LMX1B: variants seen among roughly 807,000 people sequenced by gnomAD.
LMX1B encodes LIM homeobox transcription factor 1-beta.
In LMX1B, 12 loss-of-function variants were observed where a neutral mutation model predicts 51.4. That is an observed-to-expected ratio of 0.23 (90% CI 0.15 to 0.38). The LOEUF (loss-of-function observed/expected upper bound fraction) is 0.38. LMX1B is among the 10% of genes least tolerant of loss of function. LMX1B has a pLI of 1.00. For synonymous variants in LMX1B, 237 were observed against 235.4 expected (o/e 1.01, Z -0.06); for missense variants, 445 against 571.1 (o/e 0.78, Z 2.25).
chr9:126,652,305 G>C (rs944505399), intron 2 of LMX1B, among the ~76,000 whole-genome samples: 3 of 148,108 alleles, frequency 2.0e-5, no homozygotes, highest in Non-Finnish European at 4.5e-5. Flanking sequence ...AAGGGGGGGG[G>C]GATTTTCTCT....
At position 126,695,120 on chromosome 9, in the gene LMX1B, C is replaced by T. The variant is rs955262905; in HGVS notation, c.887-719C>T. Among the ~76,000 whole-genome samples the T allele has an allele frequency of 2.6e-5, 4 of 152,182 alleles. No homozygotes were observed. The highest frequency in any genetic ancestry group is 5.9e-5 in the Non-Finnish European group (4 of 68,010). On this transcript the variant is annotated intron_variant, in intron 6 of 7. Transcript: ENST00000373474. The surrounding 1 kb of genome is among the most constrained non-coding windows in gnomAD (Gnocchi z 5.2). ...ACCCTCCTAGGAGCTGTCTCTCCCA[C>T]AGCCACCTTGACAGAGACCCCACCC...
At position 126,626,599 on chromosome 9, in the gene LMX1B, G is replaced by T. The variant is rs981196950; in HGVS notation, c.326+11030G>T. Among the ~76,000 whole-genome samples the T allele has an allele frequency of 1.3e-5, 2 of 152,158 alleles. No homozygotes were observed. The highest frequency in any genetic ancestry group is 4.8e-5 in the African/African-American group (2 of 41,430). On this transcript the variant is annotated intron_variant, in intron 2 of 7. Coordinates refer to ENST00000373474, the MANE Select transcript of LMX1B (RefSeq NM_001174147.2). The surrounding 1 kb of genome is among the most constrained non-coding windows in gnomAD (Gnocchi z 4.3). ...AGTCGGCAACCGGCCCTTCCTTCCA[G>T]GTCAGGGGTGGGGGAGAGACTTTCT...
intron 2 of LMX1B, among the ~76,000 whole-genome samples, chr9:126,635,963 G>A (rs1439654400): frequency 6.6e-6 from 1 of 152,186 alleles, no homozygotes; most frequent in Admixed American, 6.5e-5. Flanking sequence ...CCATGGCCCA[G>A]GGAGGAGCAC....
Position 126,693,817 on chromosome 9 carries a change from G to A in LMX1B, c.886+5G>A. ...ACTCCCAGCGGCTGGGCCAGGGTGA[G>A]CCGGGGCCGGGGCAGGGCCTGGGCC... On this transcript the variant is annotated splice_donor_5th_base_variant and intron_variant, in intron 6 of 7. Coordinates refer to ENST00000373474, the MANE Select transcript of LMX1B (RefSeq NM_001174147.2). The A allele has an allele frequency of 8.0e-7, 1 of 1,250,870 alleles. No individual in the cohort carries two copies. Among genetic ancestry groups the A allele is most frequent in the East Asian group, 2.5e-5 (1 of 39,682 alleles). The allele number at this position is 1,250,870 out of a possible 1,614,324, so 77.5% of individuals were successfully genotyped here.
chr9:126,625,174 G>A lies in LMX1B; in HGVS notation c.326+9605G>A, dbSNP rs1405717329. Among the ~76,000 whole-genome samples the A allele has an allele frequency of 6.6e-6, 1 of 152,252 alleles. No individual in the cohort carries two copies. Among genetic ancestry groups the A allele is most frequent in the Non-Finnish European group, 1.5e-5 (1 of 68,046 alleles). On this transcript the variant is annotated intron_variant, in intron 2 of 7. Coordinates refer to ENST00000373474, the MANE Select transcript of LMX1B (RefSeq NM_001174147.2). The surrounding 1 kb of genome is among the most constrained non-coding windows in gnomAD (Gnocchi z 5.3). ...ACCGTGTCCCCTCCACCCCTTCCGA[G>A]GACGGCGGGAAGAGGGGGCTCCGGC...
At chr9:126,617,066 T>C (rs1248035986) in intron 2 of LMX1B, among the ~76,000 whole-genome samples, 2 of 152,234 alleles carry the variant, frequency 1.3e-5, no homozygotes, top group East Asian at 1.9e-4. Flanking sequence ...TCTGAACTAA[T>C]ATGATTCTAG....
intron 2 of LMX1B, among the ~76,000 whole-genome samples, chr9:126,628,484 C>T (rs1325594613): frequency 6.6e-6 from 1 of 152,184 alleles, no homozygotes; most frequent in Non-Finnish European, 1.5e-5. Flanking sequence ...GAGAGGCCGC[C>T]AGCAACAGCC....
At chr9:126,651,417 G>A (rs76239546) in intron 2 of LMX1B, among the ~76,000 whole-genome samples, 18,733 of 151,750 alleles carry the variant, frequency 0.12, 1,466 homozygotes, top group Middle Eastern at 0.25. Context: ...GGCACAGGGG[G>A]CGGGGGTCAG....
rs1224596412 is a variant in LMX1B, at chr9:126,695,865, A to G, written c.913A>G (p.Met305Val). The G allele has an allele frequency of 6.2e-6, 10 of 1,613,318 alleles. No homozygotes were observed. The South Asian group carries it at 8.8e-5, about 14-fold the overall frequency. Reference protein sequence around the residue: ...QEVLSSRMEGMMASYTPLAPP... With the variant: ...QEVLSSRMEGVMASYTPLAPP... The stretch of plus-strand genomic sequence containing the variant: ...GGTCCTGTCCAGCCGCATGGAGGGC[A>G]TGATGGCTTCCTACACGCCGCTGGC... Residue 305 changes from methionine to valine, a missense_variant, in exon 7 of 8, where the codon ATG becomes GTG. Met to Val is a conservative substitution (Grantham distance 21). Transcript: ENST00000373474. The surrounding 1 kb of genome is among the most constrained non-coding windows in gnomAD (Gnocchi z 5.2).
chr9:126,652,605 G>A (rs372067608), intron 2 of LMX1B, among the ~76,000 whole-genome samples: 2 of 152,258 alleles, frequency 1.3e-5, no homozygotes, highest in African/African-American at 4.8e-5. Flanking sequence ...CCACCTGTGC[G>A]TGACTGTGTG....
At chr9:126,646,528 A>G (rs1269686933) in intron 2 of LMX1B, among the ~76,000 whole-genome samples, 1 of 152,188 alleles carries the variant, frequency 6.6e-6, no homozygotes, top group African/African-American at 2.4e-5. Context: ...TACAGGCATC[A>G]CCTGCCCTCG....
intron 2 of LMX1B, among the ~76,000 whole-genome samples, chr9:126,650,699 C>T (rs371363243): frequency 2.0e-5 from 3 of 152,148 alleles, no homozygotes; most frequent in African/African-American, 4.8e-5. Flanking sequence ...CCAGTGTGGC[C>T]GGGGCAGGCA....
In LMX1B at chr9:126,693,244, G is replaced by A. The variant is rs1329660584; in HGVS notation, c.662G>A (p.Arg221Gln). The part of the protein sequence containing the change: ...DDGKDPRRPK[R>Q]PRTILTTQQR... The stretch of plus-strand genomic sequence containing the variant: ...GGGAAGGACCCGCGGAGGCCCAAGC[G>A]ACCCCGGACCATCCTCACCACGCAG... The change falls in exon 4 of 8, where the codon CGA becomes CAA. Residue 221 changes from arginine (R) to glutamine (Q), a missense_variant. Physicochemically the swap from Arg to Gln is conservative, Grantham distance 43. Around this residue, in one of 3 missense-constraint regions of LMX1B, gnomAD observed 273 missense variants for 343.3 expected, o/e 0.80. Transcript: ENST00000373474. 3.7e-6 allele frequency: 6 copies of A among 1,611,410 alleles called. No homozygotes were observed. Among genetic ancestry groups the A allele is most frequent in the Non-Finnish European group, 3.4e-6 (4 of 1,179,180 alleles).
chr9:126,679,046 C>T (rs546275825), intron 2 of LMX1B, among the ~76,000 whole-genome samples: 1 of 152,114 alleles, frequency 6.6e-6, no homozygotes, highest in African/African-American at 2.4e-5. Context: ...CTAGTGGTAC[C>T]CTGGAGATCT....
chr9:126,615,310 GCC>G lies in LMX1B; in HGVS notation c.140-71_140-70del. The G allele has an allele frequency of 7.9e-7, 1 of 1,262,364 alleles. No homozygotes were observed. The highest frequency in any genetic ancestry group is 1.0e-6 in the Non-Finnish European group (1 of 970,682). The allele number at this position is 1,262,364 out of a possible 1,614,324, so 78.2% of individuals were successfully genotyped here. A position where few individuals can be genotyped will look rare whatever the true frequency, so the allele number is the denominator to read the frequency against. On this transcript the variant is annotated intron_variant, in intron 1 of 7. Transcript: ENST00000373474. The surrounding 1 kb of genome is among the most constrained non-coding windows in gnomAD (Gnocchi z 6.0). The stretch of plus-strand genomic sequence containing the variant: ...GAGCCCTCGGGGCCGAGGGCTGTGG[GCC>G]CGGTGCGACCGGGACGCCGGGGCTG...
At chr9:126,694,826 C>T (rs565891734) in intron 6 of LMX1B, among the ~76,000 whole-genome samples, 2 of 152,298 alleles carry the variant, frequency 1.3e-5, no homozygotes, top group South Asian at 4.1e-4. Flanking sequence ...GGCTATGTCT[C>T]ACCCCTCAGT....
At position 126,693,278 on chromosome 9, in the gene LMX1B, A is replaced by G. The variant is rs768361733; in HGVS notation, c.696A>G (p.Arg232=). The G allele has an allele frequency of 1.2e-6, 2 of 1,611,268 alleles. No homozygotes were observed. The highest frequency in any genetic ancestry group is 1.8e-4 in the Middle Eastern group (1 of 5,474). Residue 232 remains arginine, a synonymous_variant, in exon 4 of 8, where the codon AGA becomes AGG. Coordinates refer to ENST00000373474, the MANE Select transcript of LMX1B (RefSeq NM_001174147.2). ...PRTILTTQQR[R]AFKASFEVSS... is the part of the protein sequence containing the mutation. ...CCATCCTCACCACGCAGCAGCGAAG[A>G]GCCTTCAAGGCCTCCTTCGAGGTCT...
intron 2 of LMX1B, among the ~76,000 whole-genome samples, chr9:126,669,351 C>T (rs1836407354): frequency 6.6e-6 from 1 of 152,178 alleles, no homozygotes; most frequent in Admixed American, 6.5e-5. Context: ...CTGGCCTCGC[C>T]ACTAACCAGT....
At chr9:126,692,921 G>A (rs2030185126) in intron 3 of LMX1B, among the ~76,000 whole-genome samples, 1 of 152,250 alleles carries the variant, frequency 6.6e-6, no homozygotes, top group African/African-American at 2.4e-5. Flanking sequence ...TGCCGGGGAA[G>A]GGACTCGCAG....
Sources: allele counts gnomAD v4.1 joint callset (sites outside exome capture counted in the v4.1 genomes callset), GRCh38; gene constraint gnomAD v4.1.1; regional missense constraint gnomAD v4.1.1; non-coding constraint Gnocchi (gnomAD v3.1); transcripts MANE v1.5; gene names NCBI Gene and HGNC (gene_info 2026-07-23, HGNC 2026-07-21).